Variants in RYR3 observed in about 807,000 individuals in gnomAD.
RYR3 encodes the protein ryanodine receptor 3.
In RYR3, 207 loss-of-function variants were observed where a neutral mutation model predicts 584.3. That is an observed-to-expected ratio of 0.35 (90% CI 0.32 to 0.40). RYR3 has a LOEUF of 0.40. Ranked by LOEUF, RYR3 falls within the 10% of genes least tolerant of loss-of-function variation. RYR3 has a pLI of 1.00. For missense variants in RYR3, 5,616 were observed against 6,089.2 expected, an observed-to-expected ratio of 0.92 and a Z score of 2.59; for synonymous variants, 2,416 against 2,248.5, an observed-to-expected ratio of 1.07 and a Z score of -2.11.
At chr15:33,458,397 T>C (rs1393173887) in intron 1 of RYR3, among the ~76,000 whole-genome samples, 25 of 152,176 alleles carry the variant, frequency 1.6e-4, no homozygotes, top group Admixed American at 1.6e-3. Context: ...TCTTGGAACT[T>C]TGAACTCCAG....
Position 33,696,438 on chromosome 15 carries a change from C to T in RYR3, c.6081C>T (p.Leu2027=). ...LLAALGQIRS[L]LSVRMGKEEE... ...CTGCCCTGGGCCAAATCCGCTCCCT[C>T]CTCAGTGTCAGGATGGGCAAGGAAG... The change falls in exon 39 of 104, where the codon CTC becomes CTT. Residue 2027 remains leucine (L), a synonymous_variant. Coordinates refer to ENST00000634891, the MANE Select transcript of RYR3 (RefSeq NM_001036.6). The T allele has an allele frequency of 6.2e-7, 1 of 1,613,998 alleles. No homozygotes were observed. Among genetic ancestry groups the T allele is most frequent in the South Asian group, 1.1e-5 (1 of 91,072 alleles).
chr15:33,693,822 G>C (rs1320695108), intron 38 of RYR3, among the ~76,000 whole-genome samples: 6 of 152,232 alleles, frequency 3.9e-5, no homozygotes, highest in African/African-American at 1.4e-4. Flanking sequence ...GACAAGAGCA[G>C]GTGGAGAGTA....
At chr15:33,467,785 T>A (rs1459462158) in intron 1 of RYR3, among the ~76,000 whole-genome samples, 2 of 152,158 alleles carry the variant, frequency 1.3e-5, no homozygotes. Context: ...TTGCAGCAAG[T>A]TTTGGGCTGA....
chr15:33,401,865 T>A (rs2042695931), intron 1 of RYR3, among the ~76,000 whole-genome samples: 1 of 152,210 alleles, frequency 6.6e-6, no homozygotes, highest in Non-Finnish European at 1.5e-5. Context: ...ACAGTGATTA[T>A]CTCTGGGTGG....
chr15:33,791,745 G>C (rs1235197714), intron 67 of RYR3, among the ~76,000 whole-genome samples: 2 of 152,162 alleles, frequency 1.3e-5, no homozygotes, highest in Non-Finnish European at 2.9e-5. Flanking sequence ...TGCAAAGTGA[G>C]TATAACAAAA....
intron 38 of RYR3, among the ~76,000 whole-genome samples, chr15:33,674,115 C>G (rs1477858896): frequency 6.6e-6 from 1 of 152,188 alleles, no homozygotes; most frequent in Non-Finnish European, 1.5e-5. Flanking sequence ...TTACCTCTTG[C>G]CTATTCACTG....
chr15:33,508,180 G>A (rs1165436668), intron 3 of RYR3, among the ~76,000 whole-genome samples: 1 of 152,114 alleles, frequency 6.6e-6, no homozygotes, highest in Non-Finnish European at 1.5e-5. Context: ...TTACAACTAC[G>A]AAGAGAGATG....
intron 12 of RYR3, among the ~76,000 whole-genome samples, chr15:33,567,708 C>CCCT (rs1469429905): frequency 6.6e-6 from 1 of 152,140 alleles, no homozygotes; most frequent in Non-Finnish European, 1.5e-5. Context: ...TAAAGTTCAT[C>CCCT]CCTGGACCAG....
intron 1 of RYR3, among the ~76,000 whole-genome samples, chr15:33,468,952 A>C (rs2048702601): frequency 6.6e-6 from 1 of 152,198 alleles, no homozygotes; most frequent in Admixed American, 6.5e-5. Context: ...TTCATTTGCA[A>C]AATGGAGACA....
rs538660734 is a variant in RYR3, at chr15:33,808,829, A to G, written c.10026+1260A>G. On this transcript the variant is annotated intron_variant, in intron 70 of 103. Transcript: ENST00000634891. ...TAGCCCCATTTCTTTCCCTCTGTTTATATTTCTTACTGCCCCTCCCACTGC... is the reference window on the plus strand; with the variant it reads ...TAGCCCCATTTCTTTCCCTCTGTTTGTATTTCTTACTGCCCCTCCCACTGC... Among the ~76,000 whole-genome samples the G allele has an allele frequency of 9.9e-5, 15 of 152,178 alleles. 1 individual carries two copies. In the South Asian group the frequency reaches 2.9e-3, roughly 29 times the overall value.
At chr15:33,699,216 GTC>G (rs1269238953) in intron 40 of RYR3, among the ~76,000 whole-genome samples, 1 of 115,470 alleles carries the variant, frequency 8.7e-6, no homozygotes, top group African/African-American at 2.8e-5. Context: ...GATCACCTGT[GTC>G]TGTCTGTCTG....
intron 94 of RYR3, 80 bp from the exon 95 acceptor site, chr15:33,852,965 C>A: frequency 1.7e-6 from 2 of 1,188,268 alleles, no homozygotes; most frequent in Non-Finnish European, 2.4e-6. Flanking sequence ...CAGATCCAGG[C>A]ACTCAAACTG....
At chr15:33,766,524 C>T (rs2073090064) in intron 60 of RYR3, among the ~76,000 whole-genome samples, 2 of 152,142 alleles carry the variant, frequency 1.3e-5, no homozygotes, top group Non-Finnish European at 2.9e-5. Context: ...TCAGATAATC[C>T]AACAGAGGGC....
chr15:33,418,601 T>C (rs1243015408), intron 1 of RYR3, among the ~76,000 whole-genome samples: 6 of 152,122 alleles, frequency 3.9e-5, no homozygotes, highest in Non-Finnish European at 7.4e-5. Flanking sequence ...CTTTATCTTA[T>C]AGAATGAGGC....
intron 66 of RYR3, among the ~76,000 whole-genome samples, chr15:33,787,868 C>T (rs1297391354): frequency 1.3e-5 from 2 of 152,092 alleles, no homozygotes; most frequent in African/African-American, 2.4e-5. Context: ...GCTAGTGAGC[C>T]GAAAGCAAAA....
intron 1 of RYR3, among the ~76,000 whole-genome samples, chr15:33,320,271 C>A (rs986893069): frequency 6.6e-6 from 1 of 152,146 alleles, no homozygotes; most frequent in Non-Finnish European, 1.5e-5. Context: ...GATTGGCAGG[C>A]AGACAGATTA....
chr15:33,576,036 T>C (rs776850957), intron 12 of RYR3, among the ~76,000 whole-genome samples: 13 of 152,086 alleles, frequency 8.5e-5, no homozygotes, highest in Admixed American at 6.5e-4. Context: ...CCTGGACATA[T>C]ACACCCTCCC....
intron 62 of RYR3, among the ~76,000 whole-genome samples, chr15:33,771,097 G>GTCTCTTT (rs2073531978): frequency 6.6e-6 from 1 of 151,662 alleles, no homozygotes; most frequent in Non-Finnish European, 1.5e-5. Flanking sequence ...ACGGCTAGTT[G>GTCTCTTT]TCTCTTTTCT....
rs1297594242 is a variant in RYR3, at chr15:33,586,004, T to C, written c.1676T>C (p.Leu559Ser). 2 of 1,604,750 alleles carry C rather than the reference T, an allele frequency of 1.2e-6. No homozygotes were observed. The highest frequency in any genetic ancestry group is 3.3e-5 in the Admixed American group (2 of 59,994). ...LDRLESSSGI[L>S]EVLHCILTES... Reference sequence around the variant, plus strand: ...GTTTGTGGCATTCATGTAGGTATCTTGGAAGTTTTGCACTGCATCTTAACT... The same window carrying C: ...GTTTGTGGCATTCATGTAGGTATCTCGGAAGTTTTGCACTGCATCTTAACT... Residue 559 changes from leucine (L) to serine (S), a missense_variant, in exon 16 of 104, where the codon TTG (leucine) becomes TCG (serine). Transcript: ENST00000634891.
Sources: allele counts gnomAD v4.1 joint callset (sites outside exome capture counted in the v4.1 genomes callset), GRCh38; gene constraint gnomAD v4.1.1; transcripts MANE v1.5; gene names NCBI Gene and HGNC (gene_info 2026-07-23, HGNC 2026-07-21).